The following DNAAF11 variants were observed in gnomAD, a reference collection of about 807,000 sequenced individuals.
DNAAF11 encodes leucine rich repeat containing 6.
In DNAAF11, 45 loss-of-function variants were observed where a neutral mutation model predicts 60.8. That is an observed-to-expected ratio of 0.74 (90% CI 0.58 to 0.95). DNAAF11 has a LOEUF of 0.95. DNAAF11 is among the 40% of genes least tolerant of loss of function. DNAAF11 has a pLI of 0.00. For synonymous variants in DNAAF11, 191 were observed against 183.5 expected (o/e 1.04, Z -0.33); for missense variants, 546 against 546.2 (o/e 1.00, Z 0.00).
intron 5 of DNAAF11, among the ~76,000 whole-genome samples, chr8:132,627,602 C>A (rs774259345): frequency 7.2e-5 from 11 of 152,106 alleles, no homozygotes; most frequent in Non-Finnish European, 1.5e-4. Context: ...AATTTCAAAT[C>A]GAAGCCATTC....
At chr8:132,659,066 C>G (rs1386797376) in intron 2 of DNAAF11, among the ~76,000 whole-genome samples, 2 of 152,284 alleles carry the variant, frequency 1.3e-5, no homozygotes, top group African/African-American at 4.8e-5. Context: ...ATGCAGCCCA[C>G]TGGGAAGCTG....
intron 7 of DNAAF11, 46 bp from the exon 8 acceptor site, chr8:132,615,143 A>G (rs753754799): frequency 1.0e-5 from 12 of 1,150,916 alleles, no homozygotes; most frequent in Admixed American, 1.8e-5. Context: ...TCTTTAGGAT[A>G]CTGTATAGAA....
intron 1 of DNAAF11, among the ~76,000 whole-genome samples, chr8:132,670,708 A>G (rs1258506055): frequency 6.6e-6 from 1 of 152,196 alleles, no homozygotes; most frequent in Non-Finnish European, 1.5e-5. Context: ...AAAAATCCTA[A>G]GCAAAAAAAT....
chr8:132,614,879 C>T (rs529096167), intron 8 of DNAAF11, among the ~76,000 whole-genome samples, 159 bp downstream of exon 8: 74 of 152,252 alleles, frequency 4.9e-4, no homozygotes, highest in African/African-American at 1.6e-3. Flanking sequence ...CATTTTCATG[C>T]TTTTAAAAAT....
At chr8:132,700,517 C>T in the DNAAF11 span, among the ~76,000 whole-genome samples, 1 of 114,408 alleles carries the variant, frequency 8.7e-6, no homozygotes, top group Non-Finnish European at 1.8e-5. Flanking sequence ...AAGACCCCCA[C>T]CTCTACAAAA....
At chr8:132,648,455 AGG>A (rs1266899242) in intron 3 of DNAAF11, among the ~76,000 whole-genome samples, 6 of 152,230 alleles carry the variant, frequency 3.9e-5, no homozygotes. Context: ...GGCACAAGAC[AGG>A]GATGCCCTCT....
At chr8:132,646,108 A>C (rs1386895726) in intron 3 of DNAAF11, among the ~76,000 whole-genome samples, 1 of 152,234 alleles carries the variant, frequency 6.6e-6, no homozygotes, top group Non-Finnish European at 1.5e-5. Context: ...TTACCCACAA[A>C]GGGAACCCAT....
At chr8:132,624,308 A>T (rs1300007569) in intron 6 of DNAAF11, among the ~76,000 whole-genome samples, 1 of 152,142 alleles carries the variant, frequency 6.6e-6, no homozygotes, top group South Asian at 2.1e-4. Context: ...GAAGAAACAG[A>T]TGAGGAGAAG....
intron 4 of DNAAF11, 24 bp downstream of exon 4, chr8:132,637,911 T>C: frequency 6.3e-7 from 1 of 1,583,024 alleles, no homozygotes; most frequent in Non-Finnish European, 8.6e-7. Context: ...ATCTGTGATT[T>C]CTGCACCATT....
At position 132,661,523 on chromosome 8, in the gene DNAAF11, T is replaced by C. The variant is rs766328211; in HGVS notation, c.115A>G (p.Ile39Val). 1.2e-6 allele frequency: 2 copies of C among 1,613,552 alleles called. No homozygotes were observed. The highest frequency in any genetic ancestry group is 2.2e-5 in the South Asian group (2 of 90,920). ...HQQEIERLEHIDKWCRDLKIL... is the reference protein window; with the variant it reads ...HQQEIERLEHVDKWCRDLKIL... ...TTTAAATCCCGGCACCATTTATCAA[T>C]GTGTTCTAGTCTTTCTATTTCTTGC... The change falls in exon 2 of 12, where the codon ATT becomes GTT. Residue 39 changes from isoleucine (I) to valine (V), a missense_variant. Transcript: ENST00000620350.
chr8:132,693,633 T>C, the DNAAF11 span, among the ~76,000 whole-genome samples: 1 of 151,942 alleles, frequency 6.6e-6, no homozygotes, highest in Non-Finnish European at 1.5e-5. Context: ...TCATGGCATG[T>C]CAGGTACTAC....
intron 4 of DNAAF11, among the ~76,000 whole-genome samples, chr8:132,634,688 A>G (rs1821120741): frequency 6.7e-6 from 1 of 149,756 alleles, no homozygotes; most frequent in Admixed American, 6.7e-5. Flanking sequence ...ATATATTTAT[A>G]TATAACTAAT....
intron 10 of DNAAF11, among the ~76,000 whole-genome samples, chr8:132,590,326 C>T (rs1302605566): frequency 6.6e-6 from 1 of 152,234 alleles, no homozygotes; most frequent in East Asian, 1.9e-4. Flanking sequence ...AAGAGGGTTA[C>T]TGCAGTTTTG....
At chr8:132,582,000 CT>C (rs1326937817) in intron 11 of DNAAF11, among the ~76,000 whole-genome samples, 1 of 152,216 alleles carries the variant, frequency 6.6e-6, no homozygotes, top group African/African-American at 2.4e-5. Flanking sequence ...CATTCACTTT[CT>C]CCTCAGCATG....
intron 3 of DNAAF11, among the ~76,000 whole-genome samples, chr8:132,656,451 T>C (rs192793340): frequency 4.5e-4 from 68 of 152,356 alleles, no homozygotes; most frequent in Admixed American, 8.5e-4. Context: ...CCTATTTTTA[T>C]ACAAGACTGT....
intron 11 of DNAAF11, among the ~76,000 whole-genome samples, chr8:132,576,523 T>C (rs904804650): frequency 2.0e-5 from 3 of 152,220 alleles, no homozygotes; most frequent in African/African-American, 7.2e-5. Flanking sequence ...CCAGTTGTTT[T>C]GGTGAACTGA....
chr8:132,581,681 A>AAAAG (rs1815354556), intron 11 of DNAAF11, among the ~76,000 whole-genome samples: 1 of 148,278 alleles, frequency 6.7e-6, no homozygotes, highest in Non-Finnish European at 1.5e-5. Context: ...AAAAAAAAAA[A>AAAAG]AAGAAGAAGA....
chr8:132,695,789 A>T, the DNAAF11 span, among the ~76,000 whole-genome samples: 1 of 152,302 alleles, frequency 6.6e-6, no homozygotes, highest in South Asian at 2.1e-4. Context: ...GAAGCTGAAT[A>T]ATAGTTAGAG....
chr8:132,594,478 C>A (rs1586515463), intron 10 of DNAAF11, among the ~76,000 whole-genome samples: 2 of 152,214 alleles, frequency 1.3e-5, no homozygotes, highest in East Asian at 1.9e-4. Flanking sequence ...CTGCATAATA[C>A]AAAGGAGACA....
Sources: gnomAD v4.1 joint callset for allele counts (sites outside exome capture counted in the v4.1 genomes callset) on GRCh38, gnomAD v4.1.1 for gene constraint, MANE v1.5 for transcripts, NCBI Gene and HGNC (gene_info 2026-07-23, HGNC 2026-07-21) for gene names.